DCSTAMP: variants seen among roughly 807,000 people sequenced by gnomAD.
DCSTAMP encodes the protein dendrocyte expressed seven transmembrane protein.
A neutral mutation model predicts 33.8 loss-of-function variants in DCSTAMP; 25 were observed. The observed-to-expected ratio is 0.74, with a 90% CI of 0.54 to 1.03. The LOEUF (loss-of-function observed/expected upper bound fraction) is 1.03. DCSTAMP is among the 50% of genes least tolerant of loss of function. The pLI is 0.00. For synonymous variants in DCSTAMP, 245 were observed against 216.7 expected (o/e 1.13, Z -1.15); for missense variants, 531 against 556.8 (o/e 0.95, Z 0.47).
intron 3 of DCSTAMP, among the ~76,000 whole-genome samples, chr8:104,355,710 A>C (rs1046453795): frequency 2.0e-5 from 3 of 152,250 alleles, no homozygotes; most frequent in Admixed American, 2.0e-4. Context: ...AATTTAATAC[A>C]TATTTATTAA....
chr8:104,340,473 G>A (rs1233726740), intron 1 of DCSTAMP: 2 of 152,152 alleles, frequency 1.3e-5, no homozygotes, highest in African/African-American at 2.4e-5. Context: ...AAAAAAGAAA[G>A]GGAGAAAAAA....
chr8:104,346,425 A>G (rs1042069693), intron 1 of DCSTAMP, among the ~76,000 whole-genome samples: 1 of 152,216 alleles, frequency 6.6e-6, no homozygotes, highest in African/African-American at 2.4e-5. Context: ...GGGAAGGTTC[A>G]GCAGCACAGG....
intron 2 of DCSTAMP, among the ~76,000 whole-genome samples, chr8:104,353,735 G>C (rs1474436968): frequency 1.3e-5 from 2 of 152,256 alleles, no homozygotes; most frequent in South Asian, 2.1e-4. Context: ...ATAGATCCAA[G>C]GTGCCCAGCG....
At chr8:104,352,294 C>CT (rs1810482230) in intron 2 of DCSTAMP, among the ~76,000 whole-genome samples, 1 of 152,210 alleles carries the variant, frequency 6.6e-6, no homozygotes, top group Non-Finnish European at 1.5e-5. Flanking sequence ...TCTGAGCTCT[C>CT]TGAGTCCCCT....
chr8:104,348,629 G>A lies in DCSTAMP; in HGVS notation c.77G>A (p.Trp26Ter). ...EIYVSPRSPG[W>*]MDFIQHLGVC... ...TACGTGTCTCCAAGAAGCCCCGGAT[G>A]GATGGACTTTATCCAGCATTTGGGA... The change falls in exon 2 of 4, where the codon TGG becomes TAG. Residue 26 changes from tryptophan (W) to a stop codon, truncating the protein, a stop_gained. Transcript: ENST00000297581. LOFTEE classifies it high-confidence loss of function. 6.2e-7 allele frequency: 1 copy of A among 1,614,176 alleles called. No individual in the cohort carries two copies. Among genetic ancestry groups the A allele is most frequent in the Non-Finnish European group, 8.5e-7 (1 of 1,180,034 alleles).
intron 1 of DCSTAMP, among the ~76,000 whole-genome samples, chr8:104,343,787 C>T (rs1396598149): frequency 6.6e-6 from 1 of 152,218 alleles, no homozygotes; most frequent in Admixed American, 6.5e-5. Context: ...ACCTTCTCTC[C>T]CCGCCATGTG....
intron 2 of DCSTAMP, among the ~76,000 whole-genome samples, chr8:104,353,387 C>T (rs920693800): frequency 2.1e-4 from 32 of 152,236 alleles, no homozygotes; most frequent in African/African-American, 7.5e-4. Context: ...TTCTGAAGCC[C>T]GGATTCCCAG....
intron 1 of DCSTAMP, among the ~76,000 whole-genome samples, chr8:104,343,857 C>A (rs914231078): frequency 6.6e-6 from 1 of 152,248 alleles, no homozygotes; most frequent in African/African-American, 2.4e-5. Flanking sequence ...CAGAACCCAA[C>A]CCTGCCAGAC....
chr8:104,344,405 T>A (rs1588369925), intron 1 of DCSTAMP, among the ~76,000 whole-genome samples: 1 of 152,210 alleles, frequency 6.6e-6, no homozygotes, highest in Non-Finnish European at 1.5e-5. Flanking sequence ...GCATGAGCCC[T>A]ATGTCAAGTG....
At chr8:104,352,939 G>T (rs561425303) in intron 2 of DCSTAMP, among the ~76,000 whole-genome samples, 1 of 152,314 alleles carries the variant, frequency 6.6e-6, no homozygotes, top group South Asian at 2.1e-4. Flanking sequence ...GGGGCTCCTT[G>T]TCTTCACCAT....
In DCSTAMP at chr8:104,348,954, T is replaced by C; in HGVS notation, c.402T>C (p.Phe134=). ...CTTGCAACCTAAGGGCAAAGAGCTT[T>C]TCCATACATTTTCCACTTTTGAAAA... ...GMTCNLRAKS[F]SIHFPLLKKY... The change falls in exon 2 of 4, where the codon TTT becomes TTC. Residue 134 remains phenylalanine, a synonymous_variant. Transcript: ENST00000297581. 1 of 1,614,252 alleles carries C rather than the reference T, an allele frequency of 6.2e-7. No homozygotes were observed. Among genetic ancestry groups the C allele is most frequent in the Non-Finnish European group, 8.5e-7 (1 of 1,180,046 alleles).
Position 104,348,983 on chromosome 8 carries a change from A to G in DCSTAMP, c.431A>G (p.Tyr144Cys). The part of the protein sequence containing the change: ...FSIHFPLLKK[Y>C]IEAIQWIYGL... ...ATACATTTTCCACTTTTGAAAAAAT[A>G]TATTGAGGCAATTCAGTGGATTTAT... Residue 144 changes from tyrosine (Y) to cysteine (C), a missense_variant, in exon 2 of 4, where the codon TAT becomes TGT. Physicochemically the swap from Tyr to Cys is radical, Grantham distance 194. Transcript: ENST00000297581. The G allele has an allele frequency of 6.2e-7, 1 of 1,614,234 alleles. No individual in the cohort carries two copies. Among genetic ancestry groups the G allele is most frequent in the Non-Finnish European group, 8.5e-7 (1 of 1,180,044 alleles).
intron 1 of DCSTAMP, among the ~76,000 whole-genome samples, chr8:104,344,487 T>C (rs957517320): frequency 6.6e-6 from 1 of 152,144 alleles, no homozygotes; most frequent in Non-Finnish European, 1.5e-5. Flanking sequence ...GACAGTTCTA[T>C]CCAACAGCGC....
intron 3 of DCSTAMP, 32 bp from the exon 4 acceptor site, chr8:104,356,092 A>G: frequency 6.3e-7 from 1 of 1,595,392 alleles, no homozygotes; most frequent in Non-Finnish European, 8.5e-7. Flanking sequence ...TCCAACTCCA[A>G]TGCCCATTTA....
chr8:104,341,208 C>T (rs755034717), intron 1 of DCSTAMP, among the ~76,000 whole-genome samples: 5 of 152,212 alleles, frequency 3.3e-5, no homozygotes, highest in Non-Finnish European at 7.3e-5. Flanking sequence ...GGGTGATGTG[C>T]AGCTTCAATA....
intron 1 of DCSTAMP, among the ~76,000 whole-genome samples, chr8:104,340,637 G>T (rs915198830): frequency 1.2e-4 from 19 of 152,206 alleles, no homozygotes; most frequent in African/African-American, 4.6e-4. Context: ...GGGGCTAGTG[G>T]GGACCTTAGA....
chr8:104,353,862 C>T (rs1370406535), intron 2 of DCSTAMP, among the ~76,000 whole-genome samples: 1 of 152,230 alleles, frequency 6.6e-6, no homozygotes, highest in African/African-American at 2.4e-5. Flanking sequence ...AAGGCTAATG[C>T]TCCTTCCCCA....
At chr8:104,344,699 G>T (rs1295392535) in intron 1 of DCSTAMP, among the ~76,000 whole-genome samples, 2 of 152,146 alleles carry the variant, frequency 1.3e-5, no homozygotes, top group Non-Finnish European at 2.9e-5. Flanking sequence ...GCTCAAAAAA[G>T]AAAATTTATG....
chr8:104,352,259 T>C (rs899766122), intron 2 of DCSTAMP, among the ~76,000 whole-genome samples: 7 of 152,220 alleles, frequency 4.6e-5, no homozygotes, highest in Non-Finnish European at 1.0e-4. Context: ...CTCCTAAGCC[T>C]GGGCTGCTTC....
Sources: gnomAD v4.1 joint callset for allele counts (sites outside exome capture counted in the v4.1 genomes callset) on GRCh38, gnomAD v4.1.1 for gene constraint, MANE v1.5 for transcripts, NCBI Gene and HGNC (gene_info 2026-07-23, HGNC 2026-07-21) for gene names.